Variants in CUL3 observed in about 807,000 individuals in gnomAD.
CUL3 encodes the protein cullin-3.
In CUL3, 19 loss-of-function variants were observed where a neutral mutation model predicts 89.1. The ratio of observed to expected loss-of-function variants is 0.21; its 90% CI spans 0.15 to 0.31. The LOEUF (loss-of-function observed/expected upper bound fraction) is 0.31. Ranked by LOEUF, CUL3 falls within the 10% of genes least tolerant of loss-of-function variation. The pLI is 1.00. For missense variants in CUL3, 469 were observed against 942.3 expected, an observed-to-expected ratio of 0.50 and a Z score of 6.58; for synonymous variants, 351 against 308.4, an observed-to-expected ratio of 1.14 and a Z score of -1.45.
chr2:224,555,299 C>T (rs1246387437), intron 2 of CUL3, among the ~76,000 whole-genome samples: 1 of 152,136 alleles, frequency 6.6e-6, no homozygotes, highest in African/African-American at 2.4e-5. Context: ...TATAATTCTC[C>T]CAGTAAGCAA....
intron 13 of CUL3, among the ~76,000 whole-genome samples, chr2:224,490,709 A>AG (rs1412881774): frequency 1.2e-5 from 1 of 86,272 alleles, no homozygotes; most frequent in Non-Finnish European, 2.5e-5. Context: ...AGAGCTTTAA[A>AG]GAAAAAAAAA....
intron 1 of CUL3, among the ~76,000 whole-genome samples, chr2:224,570,956 A>G (rs958508933): frequency 4.6e-5 from 7 of 152,216 alleles, no homozygotes; most frequent in African/African-American, 1.7e-4. Context: ...AATTGAGCTA[A>G]AAGTACTAAC....
chr2:224,580,577 G>A (rs1453349496), intron 1 of CUL3, among the ~76,000 whole-genome samples: 1 of 152,108 alleles, frequency 6.6e-6, no homozygotes, highest in Non-Finnish European at 1.5e-5. Flanking sequence ...CCAGCTACTT[G>A]GGAGACTGAG....
At chr2:224,581,857 A>G (rs1695448014) in intron 1 of CUL3, among the ~76,000 whole-genome samples, 1 of 152,126 alleles carries the variant, frequency 6.6e-6, no homozygotes. Context: ...AGTTTCCCTT[A>G]AATTACAGTA....
intron 1 of CUL3, among the ~76,000 whole-genome samples, chr2:224,583,093 T>C (rs973546889): frequency 2.6e-5 from 4 of 152,116 alleles, no homozygotes; most frequent in Admixed American, 2.6e-4. Flanking sequence ...ATCTGTTGTA[T>C]ATAGGCCTGG....
chr2:224,554,337 G>C (rs180882942), intron 2 of CUL3, among the ~76,000 whole-genome samples: 149 of 152,240 alleles, frequency 9.8e-4, no homozygotes, highest in Admixed American at 4.3e-3. Flanking sequence ...GAATCTCAGG[G>C]ATATTATTTC....
chr2:224,582,581 C>T (rs1695466219), intron 1 of CUL3, among the ~76,000 whole-genome samples: 1 of 152,164 alleles, frequency 6.6e-6, no homozygotes, highest in Non-Finnish European at 1.5e-5. Context: ...TAGTCACTTA[C>T]TTCATGTAAG....
chr2:224,562,721 T>G (rs562795224), intron 1 of CUL3: 3 of 152,126 alleles, frequency 2.0e-5, no homozygotes, highest in African/African-American at 7.2e-5. Flanking sequence ...GAGCTGGGAT[T>G]AGAACTTATA....
At chr2:224,560,286 C>T (rs1325702828) in intron 1 of CUL3, among the ~76,000 whole-genome samples, 1 of 151,950 alleles carries the variant, frequency 6.6e-6, no homozygotes, top group Non-Finnish European at 1.5e-5. Context: ...TTTAGTCACA[C>T]TCATTTTCTA....
chr2:224,529,356 G>A (rs1039048832), intron 3 of CUL3, among the ~76,000 whole-genome samples: 25 of 151,786 alleles, frequency 1.6e-4, no homozygotes, highest in African/African-American at 5.8e-4. Context: ...GGTGGCTCAC[G>A]CCTGTAATCC....
chr2:224,550,784 T>C (rs1040420865), intron 2 of CUL3, among the ~76,000 whole-genome samples: 4 of 152,216 alleles, frequency 2.6e-5, no homozygotes, highest in African/African-American at 9.7e-5. Context: ...TCACTGTTAT[T>C]CACCTGAATT....
chr2:224,532,718 A>G (rs1693740331), intron 3 of CUL3, among the ~76,000 whole-genome samples: 1 of 152,180 alleles, frequency 6.6e-6, no homozygotes, highest in African/African-American at 2.4e-5. Flanking sequence ...AATTTAACAG[A>G]ATTGTATTCT....
At chr2:224,495,299 A>G (rs1692128436) in intron 13 of CUL3, 1 of 152,398 alleles carries the variant, frequency 6.6e-6, no homozygotes, top group Non-Finnish European at 1.5e-5. Flanking sequence ...GTTTCTTAAA[A>G]TGTTAAACAT....
At chr2:224,567,178 T>C (rs1277592646) in intron 1 of CUL3, among the ~76,000 whole-genome samples, 1 of 152,168 alleles carries the variant, frequency 6.6e-6, no homozygotes, top group East Asian at 1.9e-4. Context: ...AGAGAGAAAC[T>C]GCTCACACGA....
Position 224,525,504 on chromosome 2 carries a change from ATATCTGTTGT to A in CUL3, c.378+10014_378+10023del, listed in dbSNP as rs1285344464. Among the ~76,000 whole-genome samples the A allele has an allele frequency of 2.9e-4, 44 of 152,222 alleles. 1 individual carries two copies. The highest frequency in any genetic ancestry group is 2.8e-3 in the Admixed American group (43 of 15,282). ...CAGTGATACAGGTATGTAATAAATG[ATATCTGTTGT>A]TATGTATTTGGAAAAACATTTACCT... On this transcript the variant is annotated intron_variant, in intron 3 of 15. Coordinates refer to ENST00000264414, the MANE Select transcript of CUL3 (RefSeq NM_003590.5).
chr2:224,541,221 A>G (rs1161956656), intron 2 of CUL3, among the ~76,000 whole-genome samples: 2 of 119,370 alleles, frequency 1.7e-5, no homozygotes, highest in Non-Finnish European at 3.2e-5. Flanking sequence ...GAACATATTA[A>G]AAAAAAAAAA....
At chr2:224,535,449 C>T (rs574405994) in intron 3 of CUL3, 79 bp downstream of exon 3, 22 of 927,630 alleles carry the variant, frequency 2.4e-5, no homozygotes, top group Middle Eastern at 2.3e-4. Context: ...GGATTACAGG[C>T]GTGAGCCACC....
intron 2 of CUL3, among the ~76,000 whole-genome samples, chr2:224,541,245 A>C (rs1357444669): frequency 1.3e-5 from 2 of 152,096 alleles, no homozygotes; most frequent in Non-Finnish European, 2.9e-5. Context: ...CTTAGAACTT[A>C]GCAATGACAG....
intron 8 of CUL3, chr2:224,504,405 G>C (rs369146908): frequency 6.6e-6 from 1 of 152,182 alleles, no homozygotes; most frequent in South Asian, 2.1e-4. Context: ...TCTGCTTCCC[G>C]GGTTCAAGCA....
Sources: allele counts gnomAD v4.1 joint callset (sites outside exome capture counted in the v4.1 genomes callset), GRCh38; gene constraint gnomAD v4.1.1; transcripts MANE v1.5; gene names NCBI Gene and HGNC (gene_info 2026-07-23, HGNC 2026-07-21).